Variants in TTC7A observed in about 807,000 individuals in gnomAD.
TTC7A encodes the protein tetratricopeptide repeat domain 7A, also known as tetratricopeptide repeat protein 7A.
A neutral mutation model predicts 103.7 loss-of-function variants in TTC7A; 110 were observed. The observed-to-expected ratio is 1.06, with a 90% CI of 0.91 to 1.24. The LOEUF is 1.24. TTC7A is among the 50% of genes most tolerant of loss of function. The pLI is 0.00. For synonymous variants in TTC7A, 521 were observed against 467.9 expected (o/e 1.11, Z -1.47); for missense variants, 1,340 against 1,116.3 (o/e 1.20, Z -2.86).
At chr2:47,012,094 C>T (rs1214779576) in intron 11 of TTC7A, among the ~76,000 whole-genome samples, 1 of 152,202 alleles carries the variant, frequency 6.6e-6, no homozygotes, top group Non-Finnish European at 1.5e-5. Flanking sequence ...AGAACAGTGC[C>T]AGGAGCCCAG....
At chr2:47,047,815 C>T (rs899608514) in intron 16 of TTC7A, among the ~76,000 whole-genome samples, 2 of 152,178 alleles carry the variant, frequency 1.3e-5, no homozygotes, top group Admixed American at 6.5e-5. Flanking sequence ...CCCCTAAGCA[C>T]CTCTCCTTGG....
Position 47,046,327 on chromosome 2 carries a change from CA to C in TTC7A, c.1817del (p.Lys606ArgfsTer2), listed in dbSNP as rs1375574704. 1.2e-6 allele frequency: 2 copies of C among 1,613,972 alleles called. No homozygotes were observed. The highest frequency in any genetic ancestry group is 2.2e-5 in the South Asian group (2 of 91,072). ...HPENFNLMFTKVKLEQVLKGP... is the reference protein window; with the variant it reads ...HPENFNLMFTXVKLEQVLKGP... ...TCCGTCCCCACAGCCTGATGTTCACCAAGGTGAAGCTGGAGCAGGTGCTGAA... is the reference window on the plus strand; with the variant it reads ...TCCGTCCCCACAGCCTGATGTTCACCAGGTGAAGCTGGAGCAGGTGCTGAA... On this transcript the variant is annotated frameshift_variant, in exon 16 of 20. Transcript: ENST00000319190. LOFTEE classifies it high-confidence loss of function.
At chr2:47,040,147 G>A (rs111667426) in intron 15 of TTC7A, among the ~76,000 whole-genome samples, 30 of 152,312 alleles carry the variant, frequency 2.0e-4, no homozygotes, top group African/African-American at 6.7e-4. Context: ...GCATCCTGAC[G>A]AGGGCATAAG....
At chr2:46,923,629 T>C (rs1669226208) in intron 2 of TTC7A, among the ~76,000 whole-genome samples, 1 of 152,216 alleles carries the variant, frequency 6.6e-6, no homozygotes, top group African/African-American at 2.4e-5. Flanking sequence ...TGATGGTTCA[T>C]GCCTGTAATC....
chr2:46,959,174 A>G lies in TTC7A; in HGVS notation c.517+2167A>G, dbSNP rs184648116. Among the ~76,000 whole-genome samples, 28 of 152,328 alleles carry G rather than the reference A, an allele frequency of 1.8e-4. No homozygotes were observed. The East Asian group carries it at 3.5e-3, about 19-fold the overall frequency. On this transcript the variant is annotated intron_variant, in intron 3 of 19. Transcript: ENST00000319190. ...ATCAAGTGATCCAGGCCAAGCCCTCATGTTACAGTTGAGGAGACTGAGGCT... is the reference window on the plus strand; with the variant it reads ...ATCAAGTGATCCAGGCCAAGCCCTCGTGTTACAGTTGAGGAGACTGAGGCT...
chr2:47,045,183 T>C (rs1423954720), intron 15 of TTC7A, among the ~76,000 whole-genome samples: 1 of 152,074 alleles, frequency 6.6e-6, no homozygotes, highest in South Asian at 2.1e-4. Context: ...TGGTTCAAAC[T>C]CTTCGCAGGC....
intron 5 of TTC7A, among the ~76,000 whole-genome samples, chr2:46,983,619 A>G (rs1674706526): frequency 1.3e-5 from 2 of 152,368 alleles, no homozygotes; most frequent in African/African-American, 2.4e-5. Flanking sequence ...GAAGCCCGGC[A>G]CGGACCTGGG....
chr2:46,985,375 A>G (rs534234715), intron 5 of TTC7A, among the ~76,000 whole-genome samples: 2 of 152,252 alleles, frequency 1.3e-5, no homozygotes. Flanking sequence ...GTCCCAGGAC[A>G]CGTGGCAGTT....
chr2:46,989,160 A>G (rs1019544105), intron 5 of TTC7A, among the ~76,000 whole-genome samples: 18 of 152,154 alleles, frequency 1.2e-4, no homozygotes, highest in Non-Finnish European at 1.8e-4. Context: ...CCTAAGATGA[A>G]CCGTGTCCTT....
chr2:47,014,081 G>C (rs1678364155), intron 11 of TTC7A, among the ~76,000 whole-genome samples: 2 of 152,174 alleles, frequency 1.3e-5, no homozygotes. Flanking sequence ...CCCCAGCCCA[G>C]GGTTCAATGC....
chr2:47,051,349 T>A (rs1003499832), intron 17 of TTC7A, among the ~76,000 whole-genome samples: 2 of 152,242 alleles, frequency 1.3e-5, no homozygotes, highest in East Asian at 3.8e-4. Flanking sequence ...TACATTGATA[T>A]CTGTATTTGT....
At chr2:47,046,700 G>A (rs1446856647) in intron 16 of TTC7A, 1 of 471,096 alleles carries the variant, frequency 2.1e-6, no homozygotes, top group Non-Finnish European at 3.8e-6. Context: ...CACTGGAGCT[G>A]GGTGCTGGGC....
chr2:47,066,727 T>C (rs1350014180), intron 19 of TTC7A, among the ~76,000 whole-genome samples: 1 of 152,190 alleles, frequency 6.6e-6, no homozygotes, highest in Non-Finnish European at 1.5e-5. Context: ...ATATTTTGTT[T>C]TTATTTTTTG....
chr2:47,057,924 G>C (rs1026919958), intron 18 of TTC7A, among the ~76,000 whole-genome samples: 1 of 152,166 alleles, frequency 6.6e-6, no homozygotes, highest in African/African-American at 2.4e-5. Context: ...AAGTGGTTTA[G>C]TGGCTCAGCT....
At chr2:46,993,715 C>T (rs974135522) in intron 6 of TTC7A, among the ~76,000 whole-genome samples, 187 bp downstream of exon 6, 13 of 152,150 alleles carry the variant, frequency 8.5e-5, no homozygotes, top group Admixed American at 2.0e-4. Flanking sequence ...TCTTTCCCCC[C>T]GCGGCATTGC....
rs539568381 is a variant in TTC7A, at chr2:47,006,603, C to A, written c.1204-38C>A. On this transcript the variant is annotated intron_variant, in intron 9 of 19. Coordinates refer to ENST00000319190, the MANE Select transcript of TTC7A (RefSeq NM_020458.4). ...GGTGCGGATGGCTGGGGTGGGAGGA[C>A]CCCTGGTGGGTAAATGCTGACTATC... The A allele has an allele frequency of 8.3e-6, 13 of 1,568,202 alleles. No individual in the cohort carries two copies. The Admixed American group carries it at 1.7e-4, about 20-fold the overall frequency.
At chr2:47,045,539 G>A (rs936621334) in intron 15 of TTC7A, 21 of 152,256 alleles carry the variant, frequency 1.4e-4, no homozygotes, top group African/African-American at 4.3e-4. Flanking sequence ...TTTTCAGGTC[G>A]AAAGAAATTC....
chr2:46,922,244 C>G (rs1452258739), intron 2 of TTC7A, among the ~76,000 whole-genome samples: 1 of 152,114 alleles, frequency 6.6e-6, no homozygotes, highest in Non-Finnish European at 1.5e-5. Context: ...TAGGCCTATA[C>G]CATTTCCTCC....
At chr2:47,049,904 C>A (rs2304287) in intron 16 of TTC7A, 45 bp from the exon 17 acceptor site, 1 of 1,480,254 alleles carries the variant, frequency 6.8e-7, no homozygotes, top group Non-Finnish European at 9.4e-7. Context: ...CCCTGTGATG[C>A]TAGCCCTCTA....
Sources: allele counts gnomAD v4.1 joint callset (sites outside exome capture counted in the v4.1 genomes callset), GRCh38; gene constraint gnomAD v4.1.1; transcripts MANE v1.5; gene names NCBI Gene and HGNC (gene_info 2026-07-23, HGNC 2026-07-21).